The following EOGT variants were observed in gnomAD, a reference collection of about 807,000 sequenced individuals.
EOGT encodes the protein EGF domain specific O-linked N-acetylglucosamine transferase, also known as EGF domain-specific O-linked N-acetylglucosamine transferase.
A neutral mutation model predicts 70.5 loss-of-function variants in EOGT; 55 were observed. That is an observed-to-expected ratio of 0.78 (90% CI 0.63 to 0.98). The LOEUF is 0.98. EOGT is among the 50% of genes least tolerant of loss of function. The pLI is 0.00. For synonymous variants in EOGT, 246 were observed against 217.1 expected, an observed-to-expected ratio of 1.13 and a Z score of -1.17; for missense variants, 703 against 641.9, an observed-to-expected ratio of 1.10 and a Z score of -1.03.
chr3:68,997,143 T>G (rs545095947), intron 10 of EOGT, among the ~76,000 whole-genome samples: 269 of 152,244 alleles, frequency 1.8e-3, no homozygotes, highest in African/African-American at 6.3e-3. Context: ...AAAAAAAGAT[T>G]GCACTAAAAA....
At chr3:68,999,294 T>C (rs937313207) in intron 9 of EOGT, among the ~76,000 whole-genome samples, 15 of 152,092 alleles carry the variant, frequency 9.9e-5, no homozygotes, top group African/African-American at 3.4e-4. Context: ...GTGGAGAGGG[T>C]TGTGGGAACT....
chr3:69,008,436 G>A lies in EOGT; in HGVS notation c.303C>T (p.Asp101=). Residue 101 remains aspartate (D), a synonymous_variant, in exon 5 of 18, where the codon GAC becomes GAT. Transcript: ENST00000383701. ...TCCATATGGAAACTTACCATCCCAT[G>A]TCGACATAGCTGCAAACTGGGTAAC... ...RFGYPVCSYV[D]MGWTDTLESA... 6.2e-7 allele frequency: 1 copy of A among 1,612,680 alleles called. No homozygotes were observed. Among genetic ancestry groups the A allele is most frequent in the Non-Finnish European group, 8.5e-7 (1 of 1,178,676 alleles).
At chr3:69,008,648 T>C in intron 4 of EOGT, 120 bp from the exon 5 acceptor site, 1 of 677,204 alleles carries the variant, frequency 1.5e-6, no homozygotes, top group East Asian at 2.7e-5. Flanking sequence ...TAATACGTAT[T>C]CTTATAACAA....
chr3:69,011,299 A>G (rs547411404), intron 3 of EOGT, among the ~76,000 whole-genome samples: 1 of 149,620 alleles, frequency 6.7e-6, no homozygotes, highest in East Asian at 2.0e-4. Context: ...GGAAAACCCA[A>G]CTTTCGAAAT....
chr3:68,982,437 T>G (rs2090674703), intron 15 of EOGT, among the ~76,000 whole-genome samples: 1 of 152,264 alleles, frequency 6.6e-6, no homozygotes. Context: ...GGAGAATTAC[T>G]TGAACCCAGG....
chr3:68,987,663 A>C, intron 13 of EOGT, 150 bp from the exon 14 acceptor site: 2 of 628,502 alleles, frequency 3.2e-6, no homozygotes, highest in Admixed American at 3.0e-5. Flanking sequence ...TTCCTTCACC[A>C]CTCTCAGGGA....
At chr3:68,994,584 G>A (rs1575745757) in intron 10 of EOGT, among the ~76,000 whole-genome samples, 2 of 152,262 alleles carry the variant, frequency 1.3e-5, no homozygotes, top group African/African-American at 4.8e-5. Context: ...CTATGGTCAG[G>A]AGTTCGAAAC....
chr3:68,977,232 A>G lies in EOGT; in HGVS notation c.*386T>C, dbSNP rs766255949. 6.8e-5 allele frequency: 12 copies of G among 175,562 alleles called. No homozygotes were observed. Among genetic ancestry groups the G allele is most frequent in the Non-Finnish European group, 1.4e-4 (12 of 84,360 alleles). The allele number at this position is 175,562 out of a possible 1,614,324, so 10.9% of individuals were successfully genotyped here. On this transcript the variant is annotated 3_prime_UTR_variant, in exon 18 of 18. Coordinates refer to ENST00000383701, the MANE Select transcript of EOGT (RefSeq NM_001278689.2). ...TCCCAGCTAGTCAGGTGGCTGAGGC[A>G]AAAGAATCGCTTGAACCTGGGGAGG...
chr3:68,990,666 T>C (rs375121030), intron 10 of EOGT, among the ~76,000 whole-genome samples: 2 of 152,144 alleles, frequency 1.3e-5, no homozygotes, highest in Non-Finnish European at 2.9e-5. Flanking sequence ...TTTTGAAAAG[T>C]AGTTGATTAT....
At chr3:69,008,351 A>G (rs1575782164) in intron 5 of EOGT, 77 bp downstream of exon 5, 1 of 1,000,466 alleles carries the variant, frequency 1.0e-6, no homozygotes. Context: ...AAAAGAATCT[A>G]GCTGGAAATT....
chr3:69,001,012 A>G (rs1371345996), intron 9 of EOGT, among the ~76,000 whole-genome samples: 1 of 149,354 alleles, frequency 6.7e-6, no homozygotes, highest in Admixed American at 6.7e-5. Flanking sequence ...GCTGGAGTGC[A>G]GCGGCACGAT....
intron 10 of EOGT, among the ~76,000 whole-genome samples, chr3:68,994,577 T>C (rs953187780): frequency 6.6e-6 from 1 of 152,072 alleles, no homozygotes; most frequent in Admixed American, 6.6e-5. Flanking sequence ...GGATCACCTA[T>C]GGTCAGGAGT....
chr3:69,007,587 G>C, intron 6 of EOGT, 126 bp downstream of exon 6: 1 of 437,796 alleles, frequency 2.3e-6, no homozygotes, highest in South Asian at 3.1e-5. Flanking sequence ...GGGAGGCAGA[G>C]GTTGCAGTGA....
At position 69,004,456 on chromosome 3, in the gene EOGT, C is replaced by T. The variant is rs760561100; in HGVS notation, c.542G>A (p.Gly181Asp). ...DRFKEDFFQSGEIGGHCKLDI... is the reference protein window; with the variant it reads ...DRFKEDFFQSDEIGGHCKLDI... ...AAGTTTACAGTGCCCTCCAATTTCA[C>T]CACTCTGGAAAAAGTCCTCCTTAAA... Residue 181 changes from glycine (G) to aspartate (D), a missense_variant, in exon 8 of 18, where the codon GGT becomes GAT. Physicochemically the swap from Gly to Asp is moderately conservative, Grantham distance 94. Transcript: ENST00000383701. 4 of 1,613,978 alleles carry T rather than the reference C, an allele frequency of 2.5e-6. No individual in the cohort carries two copies. The South Asian group carries it at 4.4e-5, about 18-fold the overall frequency.
chr3:68,993,786 A>G (rs2091065100), intron 10 of EOGT, among the ~76,000 whole-genome samples: 1 of 152,186 alleles, frequency 6.6e-6, no homozygotes, highest in South Asian at 2.1e-4. Flanking sequence ...TCAGAATCAT[A>G]GTGGGAGGTA....
intron 16 of EOGT, among the ~76,000 whole-genome samples, chr3:68,978,668 T>C (rs547559031): frequency 1.3e-5 from 2 of 149,748 alleles, no homozygotes; most frequent in Non-Finnish European, 3.0e-5. Context: ...GAATTGACCT[T>C]ATTCAATAGG....
chr3:69,008,673 A>AATT, intron 4 of EOGT, 145 bp from the exon 5 acceptor site: 1 of 634,302 alleles, frequency 1.6e-6, no homozygotes, highest in East Asian at 2.8e-5. Context: ...TTTAAAACTT[A>AATT]CAGTTAATTC....
chr3:68,997,420 G>A (rs2091181236), intron 10 of EOGT, among the ~76,000 whole-genome samples: 2 of 150,666 alleles, frequency 1.3e-5, no homozygotes, highest in Middle Eastern at 3.5e-3. Context: ...CCAGGTTGCA[G>A]TGCAGTGGCA....
chr3:68,997,076 A>C (rs1388726267), intron 10 of EOGT, among the ~76,000 whole-genome samples: 4 of 152,174 alleles, frequency 2.6e-5, no homozygotes, highest in Non-Finnish European at 5.9e-5. Context: ...TTCCTCAGCA[A>C]GTGGAGGGGC....
Sources: gnomAD v4.1 joint callset for allele counts (sites outside exome capture counted in the v4.1 genomes callset) on GRCh38, gnomAD v4.1.1 for gene constraint, MANE v1.5 for transcripts, NCBI Gene and HGNC (gene_info 2026-07-23, HGNC 2026-07-21) for gene names.